BSN: variants seen among roughly 807,000 people sequenced by gnomAD.
The protein encoded by BSN is protein bassoon.
Under a neutral mutation model 264.8 loss-of-function variants are expected in BSN, and 57 were observed. The observed-to-expected ratio is 0.22, with a 90% CI of 0.17 to 0.27. BSN has a LOEUF of 0.27. Ranked by LOEUF, BSN falls within the 10% of genes least tolerant of loss-of-function variation. The pLI, the probability that BSN is intolerant of heterozygous loss-of-function variation, is 1.00. For synonymous variants in BSN, 2,059 were observed against 2,137.3 expected (o/e 0.96, Z 1.01); for missense variants, 4,615 against 5,232.5 (o/e 0.88, Z 3.64).
intron 2 of BSN, among the ~76,000 whole-genome samples, chr3:49,628,736 C>A (rs958473085): frequency 6.6e-6 from 1 of 152,180 alleles, no homozygotes; most frequent in African/African-American, 2.4e-5. Flanking sequence ...CTTAGGAAGT[C>A]TTGGCTTATT....
At chr3:49,556,749 G>A (rs567322387) in intron 1 of BSN, among the ~76,000 whole-genome samples, 52 of 152,370 alleles carry the variant, frequency 3.4e-4, no homozygotes, top group African/African-American at 1.1e-3. Flanking sequence ...GAGCATCTCA[G>A]ATACCTGATG....
intron 2 of BSN, among the ~76,000 whole-genome samples, chr3:49,629,500 T>G (rs1197898748): frequency 6.6e-6 from 1 of 152,232 alleles, no homozygotes; most frequent in Non-Finnish European, 1.5e-5. Flanking sequence ...GGGGCAGGCA[T>G]AGCCTGCTTC....
At chr3:49,611,227 T>C (rs777036635) in intron 1 of BSN, among the ~76,000 whole-genome samples, 11 of 152,214 alleles carry the variant, frequency 7.2e-5, no homozygotes, top group African/African-American at 1.2e-4. Context: ...TGAAGAGAGC[T>C]GACAAGCACA....
chr3:49,660,826 G>T lies in BSN; in HGVS notation c.8981G>T (p.Arg2994Leu). Residue 2994 changes from arginine (R) to leucine (L), a missense_variant, in exon 6 of 12, where the codon CGG becomes CTG. By Grantham distance (102) the Arg-to-Leu change is moderately radical. Coordinates refer to ENST00000296452, the MANE Select transcript of BSN (RefSeq NM_003458.4). The surrounding 1 kb of genome is among the most constrained non-coding windows in gnomAD (Gnocchi z 7.1). ...CGCAAAGAGTCTTTGGCCAAAGACC[G>T]GGGTGGCCGTGACTACCCACCCTTG... Reference protein sequence around the residue: ...TQRKESLAKDRGGRDYPPLRG... With the variant: ...TQRKESLAKDLGGRDYPPLRG... 7 of 1,612,834 alleles carry T rather than the reference G, an allele frequency of 4.3e-6. No homozygotes were observed. The highest frequency in any genetic ancestry group is 5.9e-6 in the Non-Finnish European group (7 of 1,180,010).
chr3:49,619,897 T>C (rs1272105315), intron 1 of BSN, among the ~76,000 whole-genome samples: 1 of 152,118 alleles, frequency 6.6e-6, no homozygotes, highest in Non-Finnish European at 1.5e-5. Flanking sequence ...GAAATAAATA[T>C]TGAGCATCCA....
intron 1 of BSN, among the ~76,000 whole-genome samples, chr3:49,594,076 G>A (rs943677856): frequency 1.5e-4 from 23 of 152,108 alleles, no homozygotes; most frequent in African/African-American, 5.3e-4. Flanking sequence ...ACAGGCGTGA[G>A]CCACCACGCC....
chr3:49,645,655 C>T (rs1005352838), intron 3 of BSN, among the ~76,000 whole-genome samples: 2 of 152,240 alleles, frequency 1.3e-5, no homozygotes, highest in African/African-American at 4.8e-5. Context: ...CATTGCTTTT[C>T]TTCACTGAGG....
chr3:49,610,876 G>A (rs1219861107), intron 1 of BSN, among the ~76,000 whole-genome samples: 2 of 152,182 alleles, frequency 1.3e-5, no homozygotes, highest in African/African-American at 4.8e-5. Context: ...CATGCATTTA[G>A]TGTCTGCATA....
At position 49,667,774 on chromosome 3, in the gene BSN, C is replaced by T. The variant is rs1183480635; in HGVS notation, c.*289C>T. On this transcript the variant is annotated 3_prime_UTR_variant, in exon 12 of 12. Coordinates refer to ENST00000296452, the MANE Select transcript of BSN (RefSeq NM_003458.4). Reference sequence around the variant, plus strand: ...CAGAGATGCTGCTCTCTGCAGGGCACCACCTTCAAGGCACAGCCCTTGTTG... The same window carrying T: ...CAGAGATGCTGCTCTCTGCAGGGCATCACCTTCAAGGCACAGCCCTTGTTG... 6.6e-6 allele frequency: 1 copy of T among 152,582 alleles called. No homozygotes were observed. The highest frequency in any genetic ancestry group is 1.5e-5 in the Non-Finnish European group (1 of 68,034). 9.5% of individuals were successfully genotyped at this position (152,582 alleles called of 1,614,324 possible). A position where few individuals can be genotyped will look rare whatever the true frequency, so the allele number is the denominator to read the frequency against.
At chr3:49,672,362 A>G (rs566214686), downstream of BSN, among the ~76,000 whole-genome samples, 36 of 151,680 alleles carry the variant, frequency 2.4e-4, no homozygotes, top group Middle Eastern at 3.2e-3. Flanking sequence ...TGAACATCCT[A>G]TTTTCCAATC....
At chr3:49,566,010 A>G (rs1018654399) in intron 1 of BSN, among the ~76,000 whole-genome samples, 2 of 152,088 alleles carry the variant, frequency 1.3e-5, no homozygotes, top group Non-Finnish European at 2.9e-5. Flanking sequence ...TTTTTACTAG[A>G]GACGGGGTTT....
chr3:49,562,298 C>CT (rs1396151187), intron 1 of BSN, among the ~76,000 whole-genome samples: 3 of 152,178 alleles, frequency 2.0e-5, no homozygotes, highest in African/African-American at 7.2e-5. Flanking sequence ...GGAAACTCTG[C>CT]TGAACATCTT....
Position 49,661,580 on chromosome 3 carries a change from C to T in BSN, c.9735C>T (p.Thr3245=). 6.2e-7 allele frequency: 1 copy of T among 1,613,910 alleles called. No homozygotes were observed. The highest frequency in any genetic ancestry group is 1.3e-5 in the African/African-American group (1 of 75,064). Residue 3245 remains threonine, a synonymous_variant, in exon 6 of 12, where the codon ACC becomes ACT. Transcript: ENST00000296452. ...TCAGTGAACTGACCAAGGACAGCAC[C>T]TCTACTGCTCCTGATAGCCAACGGC... ...DDISELTKDS[T]STAPDSQRLE...
chr3:49,626,940 G>C (rs979405323), intron 2 of BSN, among the ~76,000 whole-genome samples: 4 of 152,256 alleles, frequency 2.6e-5, no homozygotes, highest in African/African-American at 7.2e-5. Context: ...CAATGAGGTG[G>C]GAAGGGAGCC....
At position 49,638,894 on chromosome 3, in the gene BSN, A is replaced by G. The variant is rs989773871; in HGVS notation, c.634-3374A>G. Among the ~76,000 whole-genome samples, 2 of 152,192 alleles carry G rather than the reference A, an allele frequency of 1.3e-5. No individual in the cohort carries two copies. The highest frequency in any genetic ancestry group is 4.8e-5 in the African/African-American group (2 of 41,448). Reference sequence around the variant, plus strand: ...AGGGCATGCTGCAGTGCCCAGGTGAATGAGAGAGATGGGACGTTGGGTGTG... The same window carrying G: ...AGGGCATGCTGCAGTGCCCAGGTGAGTGAGAGAGATGGGACGTTGGGTGTG... On this transcript the variant is annotated intron_variant, in intron 2 of 11. Coordinates refer to ENST00000296452, the MANE Select transcript of BSN (RefSeq NM_003458.4). The surrounding 1 kb of genome is among the most constrained non-coding windows in gnomAD (Gnocchi z 4.3).
intron 1 of BSN, among the ~76,000 whole-genome samples, chr3:49,560,518 T>C (rs1392044129): frequency 2.0e-5 from 3 of 152,250 alleles, no homozygotes; most frequent in Non-Finnish European, 4.4e-5. Flanking sequence ...AAATGGTGGC[T>C]AAGCCCTGCA....
intron 1 of BSN, among the ~76,000 whole-genome samples, chr3:49,578,581 G>C (rs2051866039): frequency 6.9e-6 from 1 of 143,924 alleles, no homozygotes; most frequent in Non-Finnish European, 1.5e-5. Flanking sequence ...CCAATTTTTT[G>C]TATTTTTAGT....
At position 49,657,493 on chromosome 3, in the gene BSN, A is replaced by T. The variant is rs765765859; in HGVS notation, c.7937A>T (p.Asp2646Val). ...GACTCAGGCTCTGACAGCAAGCACG[A>T]TGCCACTGCCTCATCATCCAGTGCT... is the stretch of plus-strand genomic sequence containing the variant. ...HSDSGSDSKH[D>V]ATASSSSAAA... is the part of the protein sequence containing the mutation. Residue 2646 changes from aspartate to valine, a missense_variant, in exon 5 of 12, where the codon GAT (aspartate) becomes GTT (valine). By Grantham distance (152) the Asp-to-Val change is radical (BLOSUM62 -3). Coordinates refer to ENST00000296452, the MANE Select transcript of BSN (RefSeq NM_003458.4). The T allele has an allele frequency of 1.2e-6, 2 of 1,613,178 alleles. No individual in the cohort carries two copies. The highest frequency in any genetic ancestry group is 2.2e-5 in the South Asian group (2 of 91,084).
intron 5 of BSN, among the ~76,000 whole-genome samples, chr3:49,659,404 A>G (rs1028571998): frequency 6.6e-6 from 1 of 152,172 alleles, no homozygotes; most frequent in African/African-American, 2.4e-5. Context: ...CAAAAGGCTA[A>G]ATTTATTCCA....
Sources: allele counts gnomAD v4.1 joint callset (sites outside exome capture counted in the v4.1 genomes callset), GRCh38; gene constraint gnomAD v4.1.1; non-coding constraint Gnocchi (gnomAD v3.1); transcripts MANE v1.5; gene names NCBI Gene and HGNC (gene_info 2026-07-23, HGNC 2026-07-21).